RBM28: variants seen among roughly 807,000 people sequenced by gnomAD.
The protein encoded by RBM28 is RNA binding motif protein 28.
A neutral mutation model predicts 98.3 loss-of-function variants in RBM28; 78 were observed. The observed-to-expected ratio is 0.79, with a 90% CI of 0.66 to 0.96. The LOEUF (loss-of-function observed/expected upper bound fraction) is 0.96, where lower values mean the gene tolerates loss of function less well. Ranked by LOEUF, RBM28 falls within the 40% of genes least tolerant of loss-of-function variation. RBM28 has a pLI of 0.00. For synonymous variants in RBM28, 306 were observed against 330.9 expected (o/e 0.92, Z 0.82); for missense variants, 838 against 913.0 (o/e 0.92, Z 1.06).
chr7:128,340,599 A>G (rs184458099), intron 1 of RBM28, among the ~76,000 whole-genome samples: 3 of 152,346 alleles, frequency 2.0e-5, no homozygotes, highest in African/African-American at 4.8e-5. Flanking sequence ...ACAGTATGGT[A>G]GCTTCAAAAA....
intron 10 of RBM28, 42 bp from the exon 11 acceptor site, chr7:128,325,933 C>T (rs1358655533): frequency 6.7e-6 from 10 of 1,488,238 alleles, no homozygotes; most frequent in Non-Finnish European, 9.4e-6. Flanking sequence ...CAAACTCCCA[C>T]AGATAAACCA....
Position 128,318,114 on chromosome 7 carries a change from T to C in RBM28, c.1564-8A>G, listed in dbSNP as rs1204963693. On this transcript the variant is annotated splice_polypyrimidine_tract_variant and splice_region_variant and intron_variant, in intron 14 of 18. Transcript: ENST00000223073. Reference sequence around the variant, plus strand: ...GTCTCGCATCACTCTACACTATGAGTAGAGCAAGAAAAAAATCAGTAATTA... The same window carrying C: ...GTCTCGCATCACTCTACACTATGAGCAGAGCAAGAAAAAAATCAGTAATTA... 8 of 1,607,232 alleles carry C rather than the reference T, an allele frequency of 5.0e-6. No homozygotes were observed. In the African/African-American group the frequency reaches 1.1e-4, roughly 22 times the overall value.
At chr7:128,327,140 GAAAGA>G (rs150430125) in intron 10 of RBM28, among the ~76,000 whole-genome samples, 13,318 of 151,748 alleles carry the variant, frequency 0.088, 738 homozygotes, top group African/African-American at 0.16. Context: ...TCAAAAAAAA[GAAAGA>G]AAAGAAAAGA....
Position 128,335,870 on chromosome 7 carries a change from G to A in RBM28, c.786C>T (p.Thr262=), listed in dbSNP as rs781581825. ...ACCTCTTCTGAATTTGCACAGGCTT[G>A]GTCACCTTTGATTCTATATTCTCTT... ...EEEENIESKV[T]KPVQIQKRAV... is the part of the protein sequence containing the mutation. The change falls in exon 7 of 19, where the codon ACC becomes ACT. Residue 262 remains threonine (T), a synonymous_variant. Coordinates refer to ENST00000223073, the MANE Select transcript of RBM28 (RefSeq NM_018077.3). 27 of 1,613,884 alleles carry A rather than the reference G, an allele frequency of 1.7e-5. No individual in the cohort carries two copies. In the Admixed American group the frequency reaches 3.7e-4, roughly 22 times the overall value.
At position 128,300,838 on chromosome 7, in the gene RBM28, C is replaced by T. The variant is rs1261236235; in HGVS notation, c.*9959G>A. The T allele has an allele frequency of 6.6e-6, 1 of 152,324 alleles. No individual in the cohort carries two copies. The highest frequency in any genetic ancestry group is 1.5e-5 in the Non-Finnish European group (1 of 68,110). The allele number at this position is 152,324 out of a possible 1,614,324, so 9.4% of individuals were successfully genotyped here. A position where few individuals can be genotyped will look rare whatever the true frequency, so the allele number is the denominator to read the frequency against. ...AGTGTTTGCTCTGGAAAAGGAGGAA[C>T]AGGGACCTGGGTGCCATCTCTTCAC... is the stretch of plus-strand genomic sequence containing the variant. On this transcript the variant is annotated 3_prime_UTR_variant, in exon 19 of 19. Coordinates refer to ENST00000223073, the MANE Select transcript of RBM28 (RefSeq NM_018077.3).
chr7:128,343,622 G>A (rs145268684), intron 1 of RBM28, 54 bp downstream of exon 1: 3 of 1,337,180 alleles, frequency 2.2e-6, no homozygotes, highest in Non-Finnish European at 3.1e-6. Flanking sequence ...AGTTTGGGAA[G>A]GTGCCCTCGA....
At chr7:128,313,391 G>T in intron 17 of RBM28, 117 bp from the exon 18 acceptor site, 1 of 1,010,894 alleles carries the variant, frequency 9.9e-7, no homozygotes, top group South Asian at 1.3e-5. Context: ...TCTAAAAAGG[G>T]ATACTGCAAC....
rs138464953 is a variant in RBM28, at chr7:128,303,557, G to C, written c.*7240C>G. 1.3e-5 allele frequency: 2 copies of C among 152,212 alleles called. No individual in the cohort carries two copies. The highest frequency in any genetic ancestry group is 4.8e-5 in the African/African-American group (2 of 41,422). The allele number at this position is 152,212 out of a possible 1,614,324, so 9.4% of individuals were successfully genotyped here. On this transcript the variant is annotated 3_prime_UTR_variant, in exon 19 of 19. Transcript: ENST00000223073. ...ATTCTGCAAAACTGGTCCTTGGCTC[G>C]TCCTCCCTTGCCAGGATGAGACTGT...
intron 11 of RBM28, 133 bp from the exon 12 acceptor site, chr7:128,324,827 A>G: frequency 8.4e-7 from 1 of 1,185,596 alleles, no homozygotes; most frequent in South Asian, 1.2e-5. Context: ...CAGCCTGGCC[A>G]ACATGGTGAA....
rs928841788 is a variant in RBM28, at chr7:128,302,672, A to G, written c.*8125T>C. ...TACATTTGGCTTGTGGTAGATCAGG[A>G]GAGAGAAAGAAAGAAAAAACAACTA... On this transcript the variant is annotated 3_prime_UTR_variant, in exon 19 of 19. Transcript: ENST00000223073. 3 of 152,208 alleles carry G rather than the reference A, an allele frequency of 2.0e-5. No individual in the cohort carries two copies. Among genetic ancestry groups the G allele is most frequent in the Admixed American group, 6.5e-5 (1 of 15,282 alleles). The allele number at this position is 152,208 out of a possible 1,614,324, so 9.4% of individuals were successfully genotyped here.
At position 128,324,548 on chromosome 7, in the gene RBM28, T is replaced by C. The variant is rs1447431902; in HGVS notation, c.1339+11A>G. 1.9e-6 allele frequency: 3 copies of C among 1,614,072 alleles called. No homozygotes were observed. Among genetic ancestry groups the C allele is most frequent in the Non-Finnish European group, 2.5e-6 (3 of 1,180,032 alleles). On this transcript the variant is annotated intron_variant, in intron 12 of 18. Coordinates refer to ENST00000223073, the MANE Select transcript of RBM28 (RefSeq NM_018077.3). ...GGTACTTAGAAGTGTGGGTTACATC[T>C]CCCTACTCACAGCCTTCTCGGGCCA...
chr7:128,337,093 T>C, intron 6 of RBM28, 38 bp downstream of exon 6: 1 of 1,599,880 alleles, frequency 6.3e-7, no homozygotes, highest in Non-Finnish European at 8.6e-7. Flanking sequence ...ACCCAGGTTA[T>C]ACAACGCCCC....
chr7:128,314,894 T>C lies in RBM28; in HGVS notation c.1915A>G (p.Lys639Glu). The C allele has an allele frequency of 6.2e-7, 1 of 1,614,182 alleles. No homozygotes were observed. Among genetic ancestry groups the C allele is most frequent in the Non-Finnish European group, 8.5e-7 (1 of 1,180,032 alleles). The part of the protein sequence containing the change: ...EEQSKVPPEQ[K>E]RKAGSTSWTG... ...CATGAGGTAGAGCCCGCCTTTCTCTTCTGCTCTGGGGGCACCTTGCTTTGT... is the reference window on the plus strand; with the variant it reads ...CATGAGGTAGAGCCCGCCTTTCTCTCCTGCTCTGGGGGCACCTTGCTTTGT... Residue 639 changes from lysine (K) to glutamate (E), a missense_variant, in exon 17 of 19, where the codon AAG becomes GAG. By Grantham distance (56) the Lys-to-Glu change is moderately conservative. Coordinates refer to ENST00000223073, the MANE Select transcript of RBM28 (RefSeq NM_018077.3).
At position 128,306,776 on chromosome 7, in the gene RBM28, C is replaced by G. The variant is rs1365192539; in HGVS notation, c.*4021G>C. 1 of 152,430 alleles carries G rather than the reference C, an allele frequency of 6.6e-6. No individual in the cohort carries two copies. The highest frequency in any genetic ancestry group is 1.9e-4 in the East Asian group (1 of 5,202). The allele number at this position is 152,430 out of a possible 1,614,324, so 9.4% of individuals were successfully genotyped here. The stretch of plus-strand genomic sequence containing the variant: ...AGAATTAGTTCCCAGTCTGTGCCTT[C>G]CAATCTTCCCAGTATATTCCTTTAC... On this transcript the variant is annotated 3_prime_UTR_variant, in exon 19 of 19. Coordinates refer to ENST00000223073, the MANE Select transcript of RBM28 (RefSeq NM_018077.3).
chr7:128,317,627 C>T, intron 16 of RBM28, 32 bp downstream of exon 16: 3 of 1,480,114 alleles, frequency 2.0e-6, no homozygotes, highest in Non-Finnish European at 2.8e-6. Context: ...GAGTTTATGT[C>T]CTTAAAAATA....
rs1288252431 is a variant in RBM28 at position 128,299,148 on chromosome 7, C to A, written c.*11649G>T. On this transcript the variant is annotated 3_prime_UTR_variant, in exon 19 of 19. Coordinates refer to ENST00000223073, the MANE Select transcript of RBM28 (RefSeq NM_018077.3). The stretch of plus-strand genomic sequence containing the variant: ...GAGAGGTGTGTCACGCCTTGCAGGG[C>A]CACACAGGAAGAACTTGGGTCAGCC... The A allele has an allele frequency of 6.6e-6, 1 of 152,080 alleles. No homozygotes were observed. Among genetic ancestry groups the A allele is most frequent in the Non-Finnish European group, 1.5e-5 (1 of 68,056 alleles). The allele number at this position is 152,080 out of a possible 1,614,324, so 9.4% of individuals were successfully genotyped here.
At chr7:128,318,257 G>T in intron 14 of RBM28, 151 bp from the exon 15 acceptor site, 1 of 829,548 alleles carries the variant, frequency 1.2e-6, no homozygotes. Context: ...GGCCGAGACA[G>T]GAGGATTGCT....
chr7:128,343,318 A>G (rs746951187), intron 1 of RBM28, among the ~76,000 whole-genome samples: 1 of 152,180 alleles, frequency 6.6e-6, no homozygotes, highest in Non-Finnish European at 1.5e-5. Flanking sequence ...AAATGACATT[A>G]AGACTCTCCA....
At chr7:128,313,901 G>A (rs991022042) in intron 17 of RBM28, among the ~76,000 whole-genome samples, 2 of 152,108 alleles carry the variant, frequency 1.3e-5, no homozygotes, top group African/African-American at 4.8e-5. Flanking sequence ...CCTAGAAGAT[G>A]AGCAGCTGCT....
Sources: gnomAD v4.1 joint callset for allele counts (sites outside exome capture counted in the v4.1 genomes callset) on GRCh38, gnomAD v4.1.1 for gene constraint, MANE v1.5 for transcripts, NCBI Gene and HGNC (gene_info 2026-07-23, HGNC 2026-07-21) for gene names.